METAP2: variants seen among roughly 807,000 people sequenced by gnomAD.
METAP2 encodes the protein methionine aminopeptidase 2.
Under a neutral mutation model 59.4 loss-of-function variants are expected in METAP2, and 25 were observed. That is an observed-to-expected ratio of 0.42 (90% CI 0.31 to 0.59). METAP2 has a LOEUF of 0.59. METAP2 is among the 20% of genes least tolerant of loss of function. The probability of loss-of-function intolerance (pLI) is 0.16; values close to 1 mark genes in which losing one functional copy is unlikely to be tolerated. For synonymous variants in METAP2, 214 were observed against 194.1 expected, an observed-to-expected ratio of 1.10 and a Z score of -0.85; for missense variants, 366 against 581.2, an observed-to-expected ratio of 0.63 and a Z score of 3.81.
intron 3 of METAP2, chr12:95,484,707 T>C (rs1354114213): frequency 8.5e-5 from 31 of 362,656 alleles, no homozygotes; most frequent in Non-Finnish European, 2.6e-5. Context: ...CTTTATGAGG[T>C]ACTCTTTTTT....
intron 8 of METAP2, among the ~76,000 whole-genome samples, chr12:95,511,209 C>T (rs760132134): frequency 1.3e-5 from 2 of 152,166 alleles, no homozygotes; most frequent in African/African-American, 2.4e-5. Context: ...GTCATATTAA[C>T]AGTATCTTTC....
chr12:95,501,391 A>G (rs1320907583), intron 7 of METAP2, among the ~76,000 whole-genome samples: 2 of 152,144 alleles, frequency 1.3e-5, no homozygotes, highest in African/African-American at 4.8e-5. Context: ...GGAATTATAA[A>G]CCAAAGTTAA....
intron 7 of METAP2, among the ~76,000 whole-genome samples, 183 bp downstream of exon 7, chr12:95,496,281 G>GTTGTTTTT (rs1350801475): frequency 1.3e-5 from 2 of 150,556 alleles, no homozygotes; most frequent in Non-Finnish European, 1.5e-5. Context: ...TGTACCAAAG[G>GTTGTTTTT]TTGTTTTTTT....
chr12:95,488,395 G>C (rs1594418671), intron 4 of METAP2, among the ~76,000 whole-genome samples: 1 of 151,510 alleles, frequency 6.6e-6, no homozygotes, highest in Non-Finnish European at 1.5e-5. Context: ...TGTAATCCCA[G>C]CTACTCGGGG....
intron 2 of METAP2, 77 bp from the exon 3 acceptor site, chr12:95,483,137 TA>T: frequency 9.5e-7 from 1 of 1,051,570 alleles, no homozygotes; most frequent in Non-Finnish European, 1.5e-6. Flanking sequence ...ATAGAGCAAA[TA>T]CTTGTCTCCT....
chr12:95,495,923 A>G, intron 6 of METAP2, 81 bp from the exon 7 acceptor site: 1 of 825,440 alleles, frequency 1.2e-6, no homozygotes, highest in Admixed American at 2.3e-5. Flanking sequence ...TTAAACTAGC[A>G]AGATTAATAG....
rs1445335299 is a variant in METAP2, at chr12:95,512,812, A to G, written c.1080A>G (p.Val360=). ...TATTTATTTTTCAGGAAGGAGAAGT[A>G]TATGCAATTGAAACCTTTGGTAGTA... ...GEATRMEEGE[V]YAIETFGSTG... The change falls in exon 10 of 11, where the codon GTA becomes GTG. Residue 360 remains valine, a synonymous_variant. Coordinates refer to ENST00000323666, the MANE Select transcript of METAP2 (RefSeq NM_006838.4). 1.9e-6 allele frequency: 3 copies of G among 1,592,822 alleles called. No individual in the cohort carries two copies. The highest frequency in any genetic ancestry group is 2.2e-5 in the South Asian group (2 of 90,384).
chr12:95,502,200 C>G (rs1169581561), intron 7 of METAP2, among the ~76,000 whole-genome samples: 1 of 151,866 alleles, frequency 6.6e-6, no homozygotes, highest in Non-Finnish European at 1.5e-5. Flanking sequence ...AGATGGGGGT[C>G]TCACTTTGTT....
intron 2 of METAP2, among the ~76,000 whole-genome samples, chr12:95,480,775 T>G (rs2076152972): frequency 6.6e-6 from 1 of 152,262 alleles, no homozygotes; most frequent in South Asian, 2.1e-4. Flanking sequence ...TAATATGTTT[T>G]ACAGATATTT....
At chr12:95,489,224 G>A (rs1294960760) in intron 4 of METAP2, among the ~76,000 whole-genome samples, 4 of 151,988 alleles carry the variant, frequency 2.6e-5, no homozygotes, top group African/African-American at 9.7e-5. Context: ...GAATGTTATG[G>A]AACACTTGAA....
intron 4 of METAP2, among the ~76,000 whole-genome samples, chr12:95,490,108 T>A (rs1056333069): frequency 6.6e-6 from 1 of 151,434 alleles, no homozygotes; most frequent in Non-Finnish European, 1.5e-5. Context: ...TTTTTCTTTT[T>A]TTTTTTGTTT....
chr12:95,499,533 C>G (rs2076300155), intron 7 of METAP2, among the ~76,000 whole-genome samples: 1 of 150,302 alleles, frequency 6.7e-6, no homozygotes, highest in African/African-American at 2.5e-5. Flanking sequence ...AATTGTTTGT[C>G]TATCTAGGAT....
At position 95,475,595 on chromosome 12, in the gene METAP2, T is replaced by C. The variant is rs929472930; in HGVS notation, c.152-476T>C. ...AGGGGCCTGGTCTTGTGCTTAGATA[T>C]TTGAGCGTTTTAGTTTTTTAGTAAT... is the stretch of plus-strand genomic sequence containing the variant. On this transcript the variant is annotated intron_variant, in intron 1 of 10. Coordinates refer to ENST00000323666, the MANE Select transcript of METAP2 (RefSeq NM_006838.4). Among the ~76,000 whole-genome samples, 4 of 152,318 alleles carry C rather than the reference T, an allele frequency of 2.6e-5. 1 individual carries two copies. In the Middle Eastern group the frequency reaches 0.014, roughly 518 times the overall value.
At position 95,511,938 on chromosome 12, in the gene METAP2, T is replaced by C. The variant is rs200984122; in HGVS notation, c.1008T>C (p.Tyr336=). 2 of 1,613,694 alleles carry C rather than the reference T, an allele frequency of 1.2e-6. No individual in the cohort carries two copies. Among genetic ancestry groups the C allele is most frequent in the African/African-American group, 2.7e-5 (2 of 75,014 alleles). ...TAAATGGACATTCAATTGGGCAATA[T>C]AGAATACATGCTGGAAAAACAGTGC... ...RNLNGHSIGQ[Y]RIHAGKTVPI... Residue 336 remains tyrosine, a synonymous_variant, in exon 9 of 11, where the codon TAT becomes TAC. Coordinates refer to ENST00000323666, the MANE Select transcript of METAP2 (RefSeq NM_006838.4).
intron 2 of METAP2, among the ~76,000 whole-genome samples, chr12:95,476,539 A>AGAGAGAGAGAGAGAGAGAGAGAG (rs773224806): frequency 3.1e-4 from 46 of 148,666 alleles, no homozygotes; most frequent in African/African-American, 6.8e-4. Context: ...AGAAAGAAAG[A>AGAGAGAGAGAGAGAGAGAGAGAG]AAAGCTAGAA....
Position 95,513,979 on chromosome 12 carries a change from C to A in METAP2, c.*75C>A. On this transcript the variant is annotated 3_prime_UTR_variant, in exon 11 of 11. Transcript: ENST00000323666. ...AAACATGATACCAGAATTAATTTGC[C>A]ACATGTTGTCTGTTTTAACAGTGGA... is the stretch of plus-strand genomic sequence containing the variant. The A allele has an allele frequency of 6.7e-7, 1 of 1,485,666 alleles. No individual in the cohort carries two copies. The allele number at this position is 1,485,666 out of a possible 1,614,324, so 92.0% of individuals were successfully genotyped here.
intron 4 of METAP2, among the ~76,000 whole-genome samples, chr12:95,491,647 A>G (rs1256216240): frequency 6.6e-6 from 1 of 150,820 alleles, no homozygotes. Flanking sequence ...AGTAGCTGGG[A>G]CTACAGGTGT....
At chr12:95,479,724 T>G (rs2076145282) in intron 2 of METAP2, among the ~76,000 whole-genome samples, 1 of 151,910 alleles carries the variant, frequency 6.6e-6, no homozygotes, top group African/African-American at 2.4e-5. Flanking sequence ...TTCTCCTGCC[T>G]CAGCCTCCTG....
intron 5 of METAP2, among the ~76,000 whole-genome samples, 163 bp from the exon 6 acceptor site, chr12:95,494,794 A>G (rs1594424776): frequency 6.6e-6 from 1 of 152,226 alleles, no homozygotes; most frequent in East Asian, 1.9e-4. Context: ...TTTTCATAGC[A>G]TCAGAGAACT....
Sources: allele counts gnomAD v4.1 joint callset (sites outside exome capture counted in the v4.1 genomes callset), GRCh38; gene constraint gnomAD v4.1.1; transcripts MANE v1.5; gene names NCBI Gene and HGNC (gene_info 2026-07-23, HGNC 2026-07-21).